Variants in REXO1 observed in about 807,000 individuals in gnomAD.
REXO1 encodes the protein RNA exonuclease 1 homolog.
A neutral mutation model predicts 102.6 loss-of-function variants in REXO1; 42 were observed. That is an observed-to-expected ratio of 0.41 (90% CI 0.32 to 0.53). The LOEUF is 0.53. Among genes scored for constraint, REXO1 ranks in the 20% least tolerant of loss-of-function variants. REXO1 has a pLI of 0.27. For missense variants in REXO1, 1,819 were observed against 1,732.5 expected (o/e 1.05, Z -0.89); for synonymous variants, 908 against 779.1 (o/e 1.17, Z -2.76).
At chr19:1,816,913 C>A in intron 12 of REXO1, 100 bp from the exon 13 acceptor site, 1 of 916,234 alleles carries the variant, frequency 1.1e-6, no homozygotes, top group Non-Finnish European at 1.7e-6. Context: ...CAGGCAGAGG[C>A]AGTGACCAGA....
intron 1 of REXO1, 48 bp downstream of exon 1, chr19:1,848,154 C>G: frequency 9.9e-7 from 1 of 1,009,004 alleles, no homozygotes; most frequent in South Asian, 5.0e-5. Flanking sequence ...GGGGTCCAGA[C>G]CCGGGCAGGG....
Position 1,820,394 on chromosome 19 carries a change from C to T in REXO1, c.2396G>A (p.Ser799Asn). The T allele has an allele frequency of 6.2e-7, 1 of 1,612,966 alleles. No homozygotes were observed. The highest frequency in any genetic ancestry group is 1.1e-5 in the South Asian group (1 of 91,038). Residue 799 changes from serine (S) to asparagine (N), a missense_variant and splice_region_variant, in exon 6 of 16, where the codon AGT becomes AAT. Physicochemically the swap from Ser to Asn is conservative, Grantham distance 46 (BLOSUM62 1). Transcript: ENST00000170168. ...TTTGGGGATAATGGGTTTCTTTAAA[C>T]TCTAGAGGGAAGGCAAAAGCTGCCA... is the stretch of plus-strand genomic sequence containing the variant. Reference protein sequence around the residue: ...KRIAHSPSLQSLKKPIIPKEF... With the variant: ...KRIAHSPSLQNLKKPIIPKEF...
At chr19:1,820,448 C>A in intron 5 of REXO1, 53 bp from the exon 6 acceptor site, 13 of 1,601,038 alleles carry the variant, frequency 8.1e-6, no homozygotes, top group Non-Finnish European at 1.1e-5. Flanking sequence ...AGGCCTCCAG[C>A]GGGGAACGCA....
At chr19:1,835,423 C>G (rs1411254329) in intron 1 of REXO1, among the ~76,000 whole-genome samples, 1 of 152,180 alleles carries the variant, frequency 6.6e-6, no homozygotes, top group Admixed American at 6.5e-5. Context: ...TGGCAGGCGC[C>G]TGTAATCCCA....
Position 1,815,745 on chromosome 19 carries a change from C to G in REXO1, c.*321G>C, listed in dbSNP as rs934758687. 2 of 1,415,690 alleles carry G rather than the reference C, an allele frequency of 1.4e-6. No homozygotes were observed. Among genetic ancestry groups the G allele is most frequent in the South Asian group, 2.9e-5 (2 of 69,648 alleles). 87.7% of individuals were successfully genotyped at this position (1,415,690 alleles called of 1,614,324 possible). ...AGGAGCAGAGGTGCCGGCCACCACC[C>G]GGGAGGGAGGGCCTGGCAGGAGGGG... On this transcript the variant is annotated 3_prime_UTR_variant, in exon 16 of 16. Transcript: ENST00000170168. The surrounding 1 kb of genome is among the most constrained non-coding windows in gnomAD (Gnocchi z 4.0).
chr19:1,838,081 A>G (rs2070093164), intron 1 of REXO1, among the ~76,000 whole-genome samples: 1 of 151,826 alleles, frequency 6.6e-6, no homozygotes, highest in East Asian at 2.0e-4. Context: ...GCTGAGCCCA[A>G]GGCCGAGGCA....
chr19:1,834,268 C>G (rs921741549), intron 1 of REXO1, among the ~76,000 whole-genome samples: 2 of 152,108 alleles, frequency 1.3e-5, no homozygotes, highest in Non-Finnish European at 1.5e-5. Flanking sequence ...AAGGAGAGAC[C>G]ATTTCCCCAA....
chr19:1,825,489 T>TC (rs1351835689), intron 3 of REXO1, among the ~76,000 whole-genome samples: 3 of 150,874 alleles, frequency 2.0e-5, no homozygotes, highest in Non-Finnish European at 3.0e-5. Context: ...TAATTTTTTT[T>TC]TTTTGAGACA....
chr19:1,846,254 TC>T (rs907270507), intron 1 of REXO1, among the ~76,000 whole-genome samples: 9 of 151,720 alleles, frequency 5.9e-5, no homozygotes, highest in African/African-American at 2.2e-4. Context: ...GGGACATGCA[TC>T]CCCCCCTGTC....
At chr19:1,847,561 T>C (rs547005086) in intron 1 of REXO1, among the ~76,000 whole-genome samples, 1 of 152,280 alleles carries the variant, frequency 6.6e-6, no homozygotes, top group African/African-American at 2.4e-5. Context: ...GCCATGACGA[T>C]GAAAACCACC....
chr19:1,847,984 T>A (rs1389973800), intron 1 of REXO1, among the ~76,000 whole-genome samples: 1 of 152,316 alleles, frequency 6.6e-6, no homozygotes, highest in Non-Finnish European at 1.5e-5. Flanking sequence ...GTCCTCCTAG[T>A]TGACATTTCA....
intron 7 of REXO1, 68 bp from the exon 8 acceptor site, chr19:1,819,199 T>TTGGCCCC: frequency 8.3e-7 from 1 of 1,202,698 alleles, no homozygotes. Flanking sequence ...CCGCCTGCTC[T>TTGGCCCC]CCCACCCACC....
intron 8 of REXO1, 46 bp downstream of exon 8, chr19:1,818,972 A>G: frequency 6.4e-7 from 1 of 1,567,628 alleles, no homozygotes; most frequent in Non-Finnish European, 8.7e-7. Context: ...CTGGGCCGGC[A>G]GAGGCCCACG....
chr19:1,826,855 G>A lies in REXO1; in HGVS notation c.1911+23C>T. On this transcript the variant is annotated intron_variant, in intron 2 of 15. Transcript: ENST00000170168. This position sits in a 1 kb window ranked among gnomAD's most constrained non-coding sequence, Gnocchi z 4.3. ...TCGGCTCTGCCTCTGCCCGAGCCCA[G>A]CCCCAGCACCCGCGCGCCTCACCTG... The A allele has an allele frequency of 1.3e-6, 2 of 1,559,070 alleles. No homozygotes were observed. The highest frequency in any genetic ancestry group is 8.7e-7 in the Non-Finnish European group (1 of 1,153,102).
rs2145274534 is a variant in REXO1, at chr19:1,826,816, C to T, written c.1911+62G>A. The T allele has an allele frequency of 2.0e-6, 3 of 1,533,778 alleles. No individual in the cohort carries two copies. The highest frequency in any genetic ancestry group is 2.6e-6 in the Non-Finnish European group (3 of 1,142,488). On this transcript the variant is annotated intron_variant, in intron 2 of 15. Transcript: ENST00000170168. This position sits in a 1 kb window ranked among gnomAD's most constrained non-coding sequence, Gnocchi z 4.3. Reference sequence around the variant, plus strand: ...CTGGAAACCACTCCAGATAGAAGGTCTCTCACCAGGCCCTCGGCTCTGCCT... The same window carrying T: ...CTGGAAACCACTCCAGATAGAAGGTTTCTCACCAGGCCCTCGGCTCTGCCT...
At chr19:1,820,095 C>A in intron 6 of REXO1, 38 bp from the exon 7 acceptor site, 2 of 1,586,982 alleles carry the variant, frequency 1.3e-6, no homozygotes, top group South Asian at 2.3e-5. Context: ...GCCATGCCTG[C>A]CTGGTGCCGG....
Position 1,816,708 on chromosome 19 carries a change from A to G in REXO1, c.3307T>C (p.Tyr1103His). The change falls in exon 13 of 16, where the codon TAC becomes CAC. Residue 1103 changes from tyrosine to histidine, a missense_variant. Physicochemically the swap from Tyr to His is moderately conservative, Grantham distance 83. Coordinates refer to ENST00000170168, the MANE Select transcript of REXO1 (RefSeq NM_020695.4). The part of the protein sequence containing the change: ...FVKPDNEIVD[Y>H]NTRFSGVTEA... Reference sequence around the variant, plus strand: ...GGGCACTGGCCACACCTGGTGTTGTAGTCCACGATCTCGTTGTCAGGCTTC... The same window carrying G: ...GGGCACTGGCCACACCTGGTGTTGTGGTCCACGATCTCGTTGTCAGGCTTC... 5 of 1,612,174 alleles carry G rather than the reference A, an allele frequency of 3.1e-6. No homozygotes were observed. The highest frequency in any genetic ancestry group is 4.2e-6 in the Non-Finnish European group (5 of 1,179,654).
chr19:1,818,560 ACTC>A lies in REXO1; in HGVS notation c.2935_2937del (p.Glu979del). ...CAGCGGCCTGAAGAGGACACGAGGT[ACTC>A]GGTGCCACAGCGGCAGCAGGTCCTG... On this transcript the variant is annotated inframe_deletion, in exon 10 of 16. Transcript: ENST00000170168. 6.2e-7 allele frequency: 1 copy of A among 1,611,856 alleles called. No individual in the cohort carries two copies. The highest frequency in any genetic ancestry group is 8.5e-7 in the Non-Finnish European group (1 of 1,179,688).
chr19:1,817,085 C>CAG, intron 12 of REXO1, 134 bp downstream of exon 12: 1 of 1,113,670 alleles, frequency 9.0e-7, no homozygotes. Context: ...GCAGGAGCCA[C>CAG]AGGCACCGGT....
Sources: gnomAD v4.1 joint callset for allele counts (sites outside exome capture counted in the v4.1 genomes callset) on GRCh38, gnomAD v4.1.1 for gene constraint, Gnocchi (gnomAD v3.1) non-coding constraint, MANE v1.5 for transcripts, NCBI Gene and HGNC (gene_info 2026-07-23, HGNC 2026-07-21) for gene names.